SH3PXD2A: variants seen among roughly 807,000 people sequenced by gnomAD.
SH3PXD2A encodes SH3 and PX domain-containing protein 2A.
SH3PXD2A carries 32 observed loss-of-function variants against 115.2 expected under a neutral mutation model. That is an observed-to-expected ratio of 0.28 (90% CI 0.21 to 0.37). The LOEUF (loss-of-function observed/expected upper bound fraction) is 0.37, where lower values mean the gene tolerates loss of function less well. Among genes scored for constraint, SH3PXD2A ranks in the 10% least tolerant of loss-of-function variants. The pLI, the probability that SH3PXD2A is intolerant of heterozygous loss-of-function variation, is 1.00. For missense variants in SH3PXD2A, 1,328 were observed against 1,498.7 expected (o/e 0.89, Z 1.88); for synonymous variants, 610 against 629.1 (o/e 0.97, Z 0.45).
At chr10:103,631,060 T>C (rs1564848828) in intron 8 of SH3PXD2A, among the ~76,000 whole-genome samples, 1 of 151,522 alleles carries the variant, frequency 6.6e-6, no homozygotes, top group Non-Finnish European at 1.5e-5. Flanking sequence ...AGGCCAGGAG[T>C]TCAAGACCAG....
chr10:103,744,604 C>T (rs2038480341), intron 3 of SH3PXD2A, among the ~76,000 whole-genome samples: 1 of 152,200 alleles, frequency 6.6e-6, no homozygotes, highest in Admixed American at 6.5e-5. Context: ...CAGCCTTGTA[C>T]CTGGCTCAGA....
At chr10:103,783,770 A>G (rs2134243650) in intron 2 of SH3PXD2A, among the ~76,000 whole-genome samples, 1 of 152,324 alleles carries the variant, frequency 6.6e-6, no homozygotes, top group South Asian at 2.1e-4. Context: ...CAGTGGGAAA[A>G]GGGGAGAACA....
At chr10:103,828,859 G>A (rs3814218) in intron 1 of SH3PXD2A, among the ~76,000 whole-genome samples, 25,995 of 152,124 alleles carry the variant, frequency 0.17, 3,013 homozygotes, top group East Asian at 0.45. Context: ...GGTGAGCCAC[G>A]ATACATACGT....
intron 6 of SH3PXD2A, among the ~76,000 whole-genome samples, chr10:103,682,201 G>A (rs1592298925): frequency 1.3e-5 from 2 of 152,170 alleles, no homozygotes; most frequent in Admixed American, 1.3e-4. Flanking sequence ...CGCTTGCCAC[G>A]CCCCTGCCCC....
chr10:103,792,760 C>T (rs1174244519), intron 2 of SH3PXD2A, among the ~76,000 whole-genome samples: 1 of 152,172 alleles, frequency 6.6e-6, no homozygotes, highest in Non-Finnish European at 1.5e-5. Context: ...CACAAGAACC[C>T]CCACCCAACT....
chr10:103,794,559 AACGTGGTCCAGCC>A (rs1166231554), intron 2 of SH3PXD2A, among the ~76,000 whole-genome samples: 1 of 152,178 alleles, frequency 6.6e-6, no homozygotes, highest in East Asian at 1.9e-4. Context: ...AAAGGCTGGA[AACGTGGTCCAGCC>A]ACCCGTGAGA....
Position 103,620,195 on chromosome 10 carries a change from G to A in SH3PXD2A, c.802+2275C>T, listed in dbSNP as rs923130706. Among the ~76,000 whole-genome samples, 4 of 152,202 alleles carry A rather than the reference G, an allele frequency of 2.6e-5. No individual in the cohort carries two copies. The highest frequency in any genetic ancestry group is 5.9e-5 in the Non-Finnish European group (4 of 68,040). On this transcript the variant is annotated intron_variant, in intron 10 of 14. Coordinates refer to ENST00000369774, the MANE Select transcript of SH3PXD2A (RefSeq NM_001394015.1). This position sits in a 1 kb window ranked among gnomAD's most constrained non-coding sequence, Gnocchi z 5.3. ...CCGTCGGAAATGGGGTTGAGGGAAG[G>A]GAGGCTGTGAGCTCCAGTGGGATCC...
rs1261584406 is a variant in SH3PXD2A at position 103,596,296 on chromosome 10, C to CAA, written c.*5519_*5520insTT. 6.6e-6 allele frequency: 1 copy of CAA among 152,582 alleles called. No homozygotes were observed. Among genetic ancestry groups the CAA allele is most frequent in the Non-Finnish European group, 1.5e-5 (1 of 68,036 alleles). 9.5% of individuals were successfully genotyped at this position (152,582 alleles called of 1,614,324 possible). Reference sequence around the variant, plus strand: ...AGGGGATGACCTAACTGAACCAACTCAGTGTTTCTATTCCCAGTGGCATCT... The same window carrying CAA: ...AGGGGATGACCTAACTGAACCAACTCAAAGTGTTTCTATTCCCAGTGGCATCT... On this transcript the variant is annotated 3_prime_UTR_variant, in exon 15 of 15. Transcript: ENST00000369774.
At chr10:103,611,922 T>G (rs990255228) in intron 12 of SH3PXD2A, among the ~76,000 whole-genome samples, 1 of 152,190 alleles carries the variant, frequency 6.6e-6, no homozygotes, top group Non-Finnish European at 1.5e-5. Context: ...GTAACGGGTG[T>G]ATAGATTTAT....
At chr10:103,677,560 C>G (rs577104313) in intron 6 of SH3PXD2A, among the ~76,000 whole-genome samples, 1 of 152,286 alleles carries the variant, frequency 6.6e-6, no homozygotes, top group Admixed American at 6.5e-5. Flanking sequence ...TGAGGACACC[C>G]ACTTTTCAAG....
intron 2 of SH3PXD2A, among the ~76,000 whole-genome samples, chr10:103,789,045 G>A (rs553644214): frequency 9.9e-5 from 15 of 152,200 alleles, no homozygotes; most frequent in African/African-American, 3.6e-4. Flanking sequence ...CCTCCCAGAG[G>A]GACGAATAAC....
At chr10:103,648,040 G>T (rs545618787) in intron 8 of SH3PXD2A, among the ~76,000 whole-genome samples, 11 of 152,234 alleles carry the variant, frequency 7.2e-5, no homozygotes, top group African/African-American at 1.9e-4. Flanking sequence ...ATCCCTGCCC[G>T]ACTTCCTTCC....
chr10:103,831,990 C>T (rs1365935523), intron 1 of SH3PXD2A, among the ~76,000 whole-genome samples: 2 of 152,202 alleles, frequency 1.3e-5, no homozygotes, highest in African/African-American at 2.4e-5. Context: ...TGAATCAGCA[C>T]TTCATTCCAT....
intron 8 of SH3PXD2A, among the ~76,000 whole-genome samples, chr10:103,646,338 A>G (rs1182106448): frequency 6.6e-6 from 1 of 151,904 alleles, no homozygotes; most frequent in African/African-American, 2.4e-5. Context: ...TACGGATCCC[A>G]CCCCAATCCA....
chr10:103,733,395 C>G (rs1223333834), intron 4 of SH3PXD2A, among the ~76,000 whole-genome samples: 1 of 152,224 alleles, frequency 6.6e-6, no homozygotes, highest in South Asian at 2.1e-4. Flanking sequence ...AGCTATAAAT[C>G]CCAGCTGGAA....
intron 2 of SH3PXD2A, among the ~76,000 whole-genome samples, chr10:103,800,912 C>T (rs1216526907): frequency 6.6e-6 from 1 of 152,192 alleles, no homozygotes; most frequent in East Asian, 1.9e-4. Flanking sequence ...CTTTTCTTTG[C>T]CTGCAATGAT....
chr10:103,828,861 T>C (rs1160873954), intron 1 of SH3PXD2A, among the ~76,000 whole-genome samples: 1 of 152,238 alleles, frequency 6.6e-6, no homozygotes, highest in Non-Finnish European at 1.5e-5. Flanking sequence ...TGAGCCACGA[T>C]ACATACGTTG....
chr10:103,708,306 G>A (rs1316240181), intron 5 of SH3PXD2A, among the ~76,000 whole-genome samples: 1 of 152,184 alleles, frequency 6.6e-6, no homozygotes, highest in Non-Finnish European at 1.5e-5. Context: ...GTGGGTGGTG[G>A]TGGGGACTTC....
chr10:103,634,546 G>T (rs76084192), intron 8 of SH3PXD2A, among the ~76,000 whole-genome samples: 4,430 of 152,286 alleles, frequency 0.029, 106 homozygotes, highest in Non-Finnish European at 0.042. Flanking sequence ...CACTGTCAGC[G>T]GATAAGGTAC....
Sources: gnomAD v4.1 joint callset for allele counts (sites outside exome capture counted in the v4.1 genomes callset) on GRCh38, gnomAD v4.1.1 for gene constraint, Gnocchi (gnomAD v3.1) non-coding constraint, MANE v1.5 for transcripts, NCBI Gene and HGNC (gene_info 2026-07-23, HGNC 2026-07-21) for gene names.